Variants in EPN1 observed in about 807,000 individuals in gnomAD.
EPN1 encodes epsin-1.
In EPN1, 25 loss-of-function variants were observed where a neutral mutation model predicts 56.9. That is an observed-to-expected ratio of 0.44 (90% CI 0.32 to 0.61). The LOEUF (loss-of-function observed/expected upper bound fraction) is 0.61. Ranked by LOEUF, EPN1 falls within the 20% of genes least tolerant of loss-of-function variation. The pLI is 0.05. For missense variants in EPN1, 785 were observed against 823.7 expected (o/e 0.95, Z 0.58); for synonymous variants, 411 against 361.8 (o/e 1.14, Z -1.54).
At position 55,702,585 on chromosome 19, in the gene EPN1, A is replaced by G. The variant is rs1987194491; in HGVS notation, c.*7229A>G. The G allele has an allele frequency of 6.6e-6, 1 of 152,018 alleles. No individual in the cohort carries two copies. The highest frequency in any genetic ancestry group is 1.5e-5 in the Non-Finnish European group (1 of 68,008). The allele number at this position is 152,018 out of a possible 1,614,324, so 9.4% of individuals were successfully genotyped here. ...AAAGATCAGGCTGCTCTTTGTTAGG[A>G]GAAGTGATTTCTTTGAACTGCGTGG... On this transcript the variant is annotated 3_prime_UTR_variant, in exon 11 of 11. Coordinates refer to ENST00000270460, the MANE Select transcript of EPN1 (RefSeq NM_001130072.2).
intron 3 of EPN1, among the ~76,000 whole-genome samples, 188 bp downstream of exon 3, chr19:55,685,833 T>C (rs1360196394): frequency 6.6e-6 from 1 of 152,220 alleles, no homozygotes; most frequent in Admixed American, 6.5e-5. Context: ...GCACCTCCCA[T>C]GCAGCAGCTC....
rs1285790232 is a variant in EPN1, at chr19:55,703,867, T to G, written c.*8511T>G. On this transcript the variant is annotated 3_prime_UTR_variant, in exon 11 of 11. Coordinates refer to ENST00000270460, the MANE Select transcript of EPN1 (RefSeq NM_001130072.2). ...GGGATTGGAGGAAGCTGGAAAGCGC[T>G]CCCCTGCGTTTCGGCTGCTGGCCCA... 1 of 152,172 alleles carries G rather than the reference T, an allele frequency of 6.6e-6. No individual in the cohort carries two copies. The highest frequency in any genetic ancestry group is 2.4e-5 in the African/African-American group (1 of 41,422). The allele number at this position is 152,172 out of a possible 1,614,324, so 9.4% of individuals were successfully genotyped here.
At chr19:55,685,236 C>A (rs557811005) in intron 2 of EPN1, among the ~76,000 whole-genome samples, 160 bp from the exon 3 acceptor site, 1 of 152,254 alleles carries the variant, frequency 6.6e-6, no homozygotes. Flanking sequence ...TTTGCATGGC[C>A]GTGTCGTATT....
rs758735504 is a variant in EPN1, at chr19:55,692,072, C to T, written c.1066+15C>T. ...AAGTTCCGATGGTGAGTGCGTGGCC[C>T]ACTTGCATGCAGCCCCTACGCCTGT... On this transcript the variant is annotated intron_variant, in intron 7 of 10. Transcript: ENST00000270460. 8 of 1,422,338 alleles carry T rather than the reference C, an allele frequency of 5.6e-6. No homozygotes were observed. Among genetic ancestry groups the T allele is most frequent in the Admixed American group, 3.0e-5 (1 of 33,596 alleles). The allele number at this position is 1,422,338 out of a possible 1,614,324, so 88.1% of individuals were successfully genotyped here.
chr19:55,689,499 C>A lies in EPN1; in HGVS notation c.678+128C>A, dbSNP rs1600104922. On this transcript the variant is annotated intron_variant, in intron 5 of 10. Coordinates refer to ENST00000270460, the MANE Select transcript of EPN1 (RefSeq NM_001130072.2). The surrounding 1 kb of genome is among the most constrained non-coding windows in gnomAD (Gnocchi z 5.7). ...CCCACAGGCTCACGCGTGTTGAAACCTCAGTACCTTCAGCCGTAGGATGTA... is the reference window on the plus strand; with the variant it reads ...CCCACAGGCTCACGCGTGTTGAAACATCAGTACCTTCAGCCGTAGGATGTA... The A allele has an allele frequency of 1.4e-6, 1 of 702,084 alleles. No homozygotes were observed. Among genetic ancestry groups the A allele is most frequent in the South Asian group, 1.6e-5 (1 of 60,614 alleles). The allele number at this position is 702,084 out of a possible 1,614,324, so 43.5% of individuals were successfully genotyped here.
intron 1 of EPN1, chr19:55,677,336 A>C (rs984788713): frequency 1.4e-6 from 1 of 738,656 alleles, no homozygotes; most frequent in African/African-American, 1.7e-5. Flanking sequence ...AAAGCACTTA[A>C]AACAGTGCCT....
At position 55,694,395 on chromosome 19, in the gene EPN1, C is replaced by G. The variant is rs1986781197; in HGVS notation, c.1265-331C>G. The stretch of plus-strand genomic sequence containing the variant: ...CTGAGCCTGGAGGCACCTGTGAACA[C>G]GCCCCCGCTGCCTTCCCCCGCGGGC... On this transcript the variant is annotated intron_variant, in intron 9 of 10. Transcript: ENST00000270460. This position sits in a 1 kb window ranked among gnomAD's most constrained non-coding sequence, Gnocchi z 4.2. 1 of 277,214 alleles carries G rather than the reference C, an allele frequency of 3.6e-6. No homozygotes were observed. Among genetic ancestry groups the G allele is most frequent in the Admixed American group, 5.1e-5 (1 of 19,608 alleles). 17.2% of individuals were successfully genotyped at this position (277,214 alleles called of 1,614,324 possible). A position where few individuals can be genotyped will look rare whatever the true frequency, so the allele number is the denominator to read the frequency against.
chr19:55,677,486 C>T (rs1019301347), intron 1 of EPN1: 30 of 918,980 alleles, frequency 3.3e-5, no homozygotes, highest in Non-Finnish European at 4.5e-5. Flanking sequence ...TTCAGGTGGG[C>T]CTCGGGTTGA....
At position 55,708,910 on chromosome 19, in the gene EPN1, C is replaced by T. The variant is rs777195119; in HGVS notation, c.*13554C>T. On this transcript the variant is annotated 3_prime_UTR_variant, in exon 11 of 11. Coordinates refer to ENST00000270460, the MANE Select transcript of EPN1 (RefSeq NM_001130072.2). ...GAGACGACTACTTCAGGGTGTTCCC[C>T]ATCAGAGGAGCACACCCCTGATCTT... The T allele has an allele frequency of 6.5e-6, 10 of 1,539,514 alleles. No individual in the cohort carries two copies. Among genetic ancestry groups the T allele is most frequent in the Non-Finnish European group, 7.8e-6 (9 of 1,152,484 alleles).
At chr19:55,679,615 G>C (rs1313629588) in intron 2 of EPN1, among the ~76,000 whole-genome samples, 2 of 152,232 alleles carry the variant, frequency 1.3e-5, no homozygotes, top group South Asian at 2.1e-4. Flanking sequence ...ACCTGGGCCT[G>C]CTCTGGCGGA....
chr19:55,687,363 G>A (rs900865848), intron 3 of EPN1, among the ~76,000 whole-genome samples: 9 of 152,062 alleles, frequency 5.9e-5, no homozygotes, highest in East Asian at 1.9e-4. Context: ...TGTGGTCCCC[G>A]GGCAGCACCG....
rs200984889 is a variant in EPN1 at position 55,694,790 on chromosome 19, G to C, written c.1329G>C (p.Gly443=). The C allele has an allele frequency of 1.1e-5, 18 of 1,610,020 alleles. No homozygotes were observed. Among genetic ancestry groups the C allele is most frequent in the Non-Finnish European group, 1.5e-5 (18 of 1,177,878 alleles). ...GCCCTGGGGCGTTTGACATGAGTGG[G>C]GTCAGGGGATCTCTGGCTGAGGCTG... ...ARSPGAFDMS[G]VRGSLAEAVG... is the part of the protein sequence containing the mutation. The change falls in exon 10 of 11, where the codon GGG becomes GGC. Residue 443 remains glycine, a synonymous_variant. Coordinates refer to ENST00000270460, the MANE Select transcript of EPN1 (RefSeq NM_001130072.2). The surrounding 1 kb of genome is among the most constrained non-coding windows in gnomAD (Gnocchi z 4.2).
rs952655018 is a variant in EPN1, at chr19:55,689,325, C to G, written c.632C>G (p.Ala211Gly). The G allele has an allele frequency of 1.3e-6, 2 of 1,549,700 alleles. No homozygotes were observed. The highest frequency in any genetic ancestry group is 1.7e-6 in the Non-Finnish European group (2 of 1,146,224). The change falls in exon 5 of 11, where the codon GCC becomes GGC. Residue 211 changes from alanine (A) to glycine (G), a missense_variant. By Grantham distance (60) the Ala-to-Gly change is moderately conservative (BLOSUM62 0). Transcript: ENST00000270460. The surrounding 1 kb of genome is among the most constrained non-coding windows in gnomAD (Gnocchi z 5.7). ...QPPSCGPEDD[A>G]QLQLALSLSR... The stretch of plus-strand genomic sequence containing the variant: ...CCGTCCTGCGGCCCCGAGGACGACG[C>G]CCAGCTCCAGCTGGCCCTTAGTTTG...
rs1312057437 is a variant in EPN1, at chr19:55,677,165, CG to C, written c.-101-1361del. On this transcript the variant is annotated intron_variant, in intron 1 of 10. Transcript: ENST00000270460. ...ATCTCCCTCTGTGGCTTCTTGGAGC[CG>C]CATAGATGGGTGATCAGAGCTGGCT... The C allele has an allele frequency of 1.9e-6, 3 of 1,551,302 alleles. No homozygotes were observed. In the African/African-American group the frequency reaches 4.1e-5, roughly 21 times the overall value.
Position 55,689,305 on chromosome 19 carries a change from C to T in EPN1, c.612C>T (p.Ser204=), listed in dbSNP as rs1419872860. 5 of 1,550,612 alleles carry T rather than the reference C, an allele frequency of 3.2e-6. No homozygotes were observed. The highest frequency in any genetic ancestry group is 2.0e-5 in the Admixed American group (1 of 50,928). The part of the protein sequence containing the change: ...MSKEEADQPP[S]CGPEDDAQLQ... ...CACTCTCTCTCCCCCAGCCCCCGTC[C>T]TGCGGCCCCGAGGACGACGCCCAGC... The change falls in exon 5 of 11, where the codon TCC becomes TCT. Residue 204 remains serine, a synonymous_variant. Coordinates refer to ENST00000270460, the MANE Select transcript of EPN1 (RefSeq NM_001130072.2). This position sits in a 1 kb window ranked among gnomAD's most constrained non-coding sequence, Gnocchi z 5.7.
Position 55,704,726 on chromosome 19 carries a change from G to A in EPN1, c.*9370G>A, listed in dbSNP as rs1987311535. ...CGCATGTGTCTCTCCCGAGTCCCTGGAGGGTCCTGCCACCTACATCTCTCT... is the reference window on the plus strand; with the variant it reads ...CGCATGTGTCTCTCCCGAGTCCCTGAAGGGTCCTGCCACCTACATCTCTCT... On this transcript the variant is annotated 3_prime_UTR_variant, in exon 11 of 11. Transcript: ENST00000270460. 6.6e-6 allele frequency: 1 copy of A among 152,666 alleles called. No homozygotes were observed. Among genetic ancestry groups the A allele is most frequent in the Admixed American group, 6.5e-5 (1 of 15,284 alleles). The allele number at this position is 152,666 out of a possible 1,614,324, so 9.5% of individuals were successfully genotyped here.
Position 55,694,284 on chromosome 19 carries a change from G to T in EPN1, c.1265-442G>T. On this transcript the variant is annotated intron_variant, in intron 9 of 10. Transcript: ENST00000270460. This position sits in a 1 kb window ranked among gnomAD's most constrained non-coding sequence, Gnocchi z 4.2. ...CTAGCCAACAGATGTCTTCACGCTG[G>T]CCCGGAACACGTGTCTGTGCTGTCT... 1 of 169,238 alleles carries T rather than the reference G, an allele frequency of 5.9e-6. No homozygotes were observed. The highest frequency in any genetic ancestry group is 1.2e-5 in the Non-Finnish European group (1 of 80,228). 10.5% of individuals were successfully genotyped at this position (169,238 alleles called of 1,614,324 possible).
At chr19:55,678,016 G>C (rs1454203401) in intron 1 of EPN1, among the ~76,000 whole-genome samples, 5 of 152,232 alleles carry the variant, frequency 3.3e-5, no homozygotes, top group African/African-American at 7.2e-5. Context: ...TCATGAGGGA[G>C]ACTGAGTTTA....
chr19:55,689,889 A>G lies in EPN1; in HGVS notation c.701A>G (p.Asp234Gly). 6.2e-7 allele frequency: 1 copy of G among 1,605,972 alleles called. No homozygotes were observed. Among genetic ancestry groups the G allele is most frequent in the Non-Finnish European group, 8.5e-7 (1 of 1,176,674 alleles). The change falls in exon 6 of 11, where the codon GAT becomes GGT. Residue 234 changes from aspartate (D) to glycine (G), a missense_variant. Physicochemically the swap from Asp to Gly is moderately conservative, Grantham distance 94. Transcript: ENST00000270460. This position sits in a 1 kb window ranked among gnomAD's most constrained non-coding sequence, Gnocchi z 5.7. ...HDKEERIRRG[D>G]DLRLQMAIEE... Reference sequence around the variant, plus strand: ...CAGGAGGAGCGGATCCGTCGCGGGGATGACCTGCGGCTGCAGATGGCAATC... The same window carrying G: ...CAGGAGGAGCGGATCCGTCGCGGGGGTGACCTGCGGCTGCAGATGGCAATC...
Sources: allele counts gnomAD v4.1 joint callset (sites outside exome capture counted in the v4.1 genomes callset), GRCh38; gene constraint gnomAD v4.1.1; non-coding constraint Gnocchi (gnomAD v3.1); transcripts MANE v1.5; gene names NCBI Gene and HGNC (gene_info 2026-07-23, HGNC 2026-07-21).